Variants in NOS1AP observed in about 807,000 individuals in gnomAD.
The protein encoded by NOS1AP is nitric oxide synthase 1 adaptor protein.
A neutral mutation model predicts 56.2 loss-of-function variants in NOS1AP; 21 were observed. The ratio of observed to expected loss-of-function variants is 0.37; its 90% CI spans 0.26 to 0.54. The LOEUF (loss-of-function observed/expected upper bound fraction) is 0.54, where lower values mean the gene tolerates loss of function less well. NOS1AP is among the 20% of genes least tolerant of loss of function. The probability of loss-of-function intolerance (pLI) is 0.84; values close to 1 mark genes in which losing one functional copy is unlikely to be tolerated. For synonymous variants in NOS1AP, 270 were observed against 274.6 expected, an observed-to-expected ratio of 0.98 and a Z score of 0.17; for missense variants, 522 against 657.8, an observed-to-expected ratio of 0.79 and a Z score of 2.26.
chr1:162,200,219 G>A (rs1651947624), intron 2 of NOS1AP, among the ~76,000 whole-genome samples: 2 of 152,178 alleles, frequency 1.3e-5, no homozygotes, highest in African/African-American at 4.8e-5. Context: ...GAGCACATAC[G>A]TGTGCACAGG....
intron 2 of NOS1AP, among the ~76,000 whole-genome samples, chr1:162,276,383 C>T (rs1009303192): frequency 2.6e-5 from 4 of 152,034 alleles, no homozygotes; most frequent in African/African-American, 9.7e-5. Context: ...TCAGTCAGTC[C>T]CAGTGAAGAA....
intron 1 of NOS1AP, among the ~76,000 whole-genome samples, chr1:162,135,523 A>T (rs1263018141): frequency 6.6e-6 from 1 of 152,166 alleles, no homozygotes; most frequent in Non-Finnish European, 1.5e-5. Flanking sequence ...TGTCTGCAGA[A>T]CTGGCATTTA....
Position 162,367,432 on chromosome 1 carries a change from C to A in NOS1AP, c.1486C>A (p.Leu496Met). The A allele has an allele frequency of 6.3e-7, 1 of 1,580,860 alleles. No individual in the cohort carries two copies. The highest frequency in any genetic ancestry group is 8.6e-7 in the Non-Finnish European group (1 of 1,160,300). ...RLLNVLQRQE[L>M]GDGLDDEIAV is the part of the protein sequence containing the mutation. Reference sequence around the variant, plus strand: ...GCTGAATGTCCTGCAGAGGCAGGAACTGGGCGACGGCCTGGATGATGAGAT... The same window carrying A: ...GCTGAATGTCCTGCAGAGGCAGGAAATGGGCGACGGCCTGGATGATGAGAT... Residue 496 changes from leucine (L) to methionine (M), a missense_variant, in exon 10 of 10, where the codon CTG (leucine) becomes ATG (methionine). Transcript: ENST00000361897. The surrounding 1 kb of genome is among the most constrained non-coding windows in gnomAD (Gnocchi z 6.5).
chr1:162,360,987 T>C, intron 8 of NOS1AP: 1 of 451,816 alleles, frequency 2.2e-6, no homozygotes, highest in South Asian at 1.6e-5. Flanking sequence ...TGAGGGTGGG[T>C]TTCAGAGTTT....
intron 5 of NOS1AP, among the ~76,000 whole-genome samples, chr1:162,334,911 G>A (rs1656889960): frequency 1.3e-5 from 2 of 152,126 alleles, no homozygotes; most frequent in Admixed American, 1.3e-4. Flanking sequence ...AGACATGCAG[G>A]ACAAAAGAAT....
chr1:162,239,769 A>G (rs1653424081), intron 2 of NOS1AP, among the ~76,000 whole-genome samples: 1 of 152,234 alleles, frequency 6.6e-6, no homozygotes, highest in African/African-American at 2.4e-5. Flanking sequence ...CCCCAGTAGG[A>G]AAAGCAGCAT....
intron 1 of NOS1AP, among the ~76,000 whole-genome samples, chr1:162,120,013 G>A (rs1277300635): frequency 6.6e-6 from 1 of 151,912 alleles, no homozygotes; most frequent in Non-Finnish European, 1.5e-5. Flanking sequence ...TGGTGGGAGT[G>A]TAAATTGGTA....
intron 1 of NOS1AP, among the ~76,000 whole-genome samples, chr1:162,131,057 A>C (rs1390908784): frequency 2.0e-5 from 3 of 152,150 alleles, no homozygotes; most frequent in Non-Finnish European, 4.4e-5. Context: ...CAAATGGAGG[A>C]GTTTCCCCTT....
chr1:162,292,106 G>A (rs149235884), intron 3 of NOS1AP, among the ~76,000 whole-genome samples: 24 of 152,274 alleles, frequency 1.6e-4, no homozygotes, highest in African/African-American at 5.5e-4. Flanking sequence ...TATTCATTGT[G>A]TGTCTACCAT....
rs190411739 is a variant in NOS1AP, at chr1:162,109,739, C to T, written c.105+39457C>T. On this transcript the variant is annotated intron_variant, in intron 1 of 9. Transcript: ENST00000361897. ...CATTTTTATAATGTCTTTGTACATC[C>T]GAGATAAGTTCCTAGAGGGAAACAG... 3.9e-3 allele frequency among the ~76,000 whole-genome samples: 587 copies of T among 151,806 alleles called. 2 individuals carry two copies. Among genetic ancestry groups the T allele is most frequent in the Middle Eastern group, 0.01 (3 of 294 alleles).
chr1:162,267,607 A>C (rs1277767614), intron 2 of NOS1AP, among the ~76,000 whole-genome samples: 1 of 151,792 alleles, frequency 6.6e-6, no homozygotes, highest in African/African-American at 2.4e-5. Flanking sequence ...AAAAAAAAAA[A>C]AAAAAAAAAT....
At chr1:162,133,847 T>G (rs1558115084) in intron 1 of NOS1AP, among the ~76,000 whole-genome samples, 2 of 152,324 alleles carry the variant, frequency 1.3e-5, no homozygotes, top group South Asian at 2.1e-4. Flanking sequence ...ATTTATAGAT[T>G]GTTGTTATTA....
chr1:162,173,453 A>C (rs954237397), intron 2 of NOS1AP, among the ~76,000 whole-genome samples: 3 of 152,202 alleles, frequency 2.0e-5, no homozygotes, highest in Non-Finnish European at 4.4e-5. Flanking sequence ...TTAGACCTAA[A>C]ACCATAAAAA....
rs1455049833 is a variant in NOS1AP at position 162,251,943 on chromosome 1, C to G, written c.178-35401C>G. Among the ~76,000 whole-genome samples, 3 of 131,886 alleles carry G rather than the reference C, an allele frequency of 2.3e-5. No individual in the cohort carries two copies. The East Asian group carries it at 7.3e-4, about 32-fold the overall frequency. The allele number at this position is 131,886 out of a possible 152,430, so 86.5% of individuals were successfully genotyped here. ...AGGCTGAACTCAAGTGTTCCTCTCT[C>G]CTTGGTCTCCCAAAATGTTGAGATT... On this transcript the variant is annotated intron_variant, in intron 2 of 9. Transcript: ENST00000361897.
intron 2 of NOS1AP, among the ~76,000 whole-genome samples, chr1:162,285,466 C>T (rs1311239501): frequency 6.6e-6 from 1 of 152,280 alleles, no homozygotes; most frequent in African/African-American, 2.4e-5. Context: ...GTCAGGGTGA[C>T]ACAATGCAAA....
At chr1:162,165,559 G>C in intron 2 of NOS1AP, among the ~76,000 whole-genome samples, 1 of 152,310 alleles carries the variant, frequency 6.6e-6, no homozygotes, top group African/African-American at 2.4e-5. Context: ...ATAGCTCGCA[G>C]AGGTGGTAAG....
intron 1 of NOS1AP, among the ~76,000 whole-genome samples, chr1:162,139,211 G>A (rs1016319617): frequency 2.0e-5 from 3 of 152,114 alleles, no homozygotes; most frequent in Non-Finnish European, 4.4e-5. Context: ...GAACTCCAGG[G>A]ATGAGGTGGT....
chr1:162,088,109 G>T (rs2102020358), intron 1 of NOS1AP, among the ~76,000 whole-genome samples: 1 of 152,166 alleles, frequency 6.6e-6, no homozygotes, highest in Non-Finnish European at 1.5e-5. Flanking sequence ...ATTTAGTTAT[G>T]ATCTTGGATT....
chr1:162,294,624 A>T (rs1655391942), intron 3 of NOS1AP, among the ~76,000 whole-genome samples: 1 of 152,178 alleles, frequency 6.6e-6, no homozygotes, highest in African/African-American at 2.4e-5. Context: ...AATACCCTAG[A>T]GTAAGGAATT....
Sources: allele counts gnomAD v4.1 joint callset (sites outside exome capture counted in the v4.1 genomes callset), GRCh38; gene constraint gnomAD v4.1.1; non-coding constraint Gnocchi (gnomAD v3.1); transcripts MANE v1.5; gene names NCBI Gene and HGNC (gene_info 2026-07-23, HGNC 2026-07-21).